Variants in PCDH7 observed in about 807,000 individuals in gnomAD.
PCDH7 encodes protocadherin 7.
PCDH7 carries 17 observed loss-of-function variants against 58.9 expected under a neutral mutation model. The observed-to-expected ratio is 0.29, with a 90% CI of 0.20 to 0.43. The LOEUF is 0.43. Ranked by LOEUF, PCDH7 falls within the 20% of genes least tolerant of loss-of-function variation. The probability of loss-of-function intolerance (pLI) is 1.00; values close to 1 mark genes in which losing one functional copy is unlikely to be tolerated. For missense variants in PCDH7, 1,274 were observed against 1,441.0 expected (o/e 0.88, Z 1.88); for synonymous variants, 664 against 616.4 (o/e 1.08, Z -1.14).
chr4:31,006,374 G>A (rs532375885), intron 3 of PCDH7, among the ~76,000 whole-genome samples: 18 of 152,272 alleles, frequency 1.2e-4, no homozygotes, highest in African/African-American at 3.6e-4. Context: ...AAAAATGAAG[G>A]ATGAGAATGA....
intron 3 of PCDH7, among the ~76,000 whole-genome samples, chr4:30,972,291 A>G (rs1749662502): frequency 6.6e-6 from 1 of 152,158 alleles, no homozygotes; most frequent in African/African-American, 2.4e-5. Context: ...TTTTTTTTAT[A>G]TGAGTCATTC....
chr4:31,124,325 A>G (rs1248780575), intron 3 of PCDH7, among the ~76,000 whole-genome samples: 4 of 152,198 alleles, frequency 2.6e-5, no homozygotes, highest in Non-Finnish European at 5.9e-5. Flanking sequence ...ACCCAATGAG[A>G]TAGACTCAGA....
chr4:30,872,063 A>G (rs559367974), intron 1 of PCDH7, among the ~76,000 whole-genome samples: 12 of 152,246 alleles, frequency 7.9e-5, no homozygotes, highest in African/African-American at 2.9e-4. Context: ...GGTCACATTT[A>G]TAGTTATCAG....
chr4:30,824,083 CTTTCTTTCTTTCTTTCTT>C (rs1728725670), intron 1 of PCDH7, among the ~76,000 whole-genome samples: 8 of 10,852 alleles, frequency 7.4e-4, no homozygotes, highest in African/African-American at 3.4e-3. Context: ...GGTTTCTTTT[CTTTCTTTCTTTCTTTCTT>C]TCTTTCTTTC....
At chr4:31,005,802 A>C in intron 3 of PCDH7, among the ~76,000 whole-genome samples, 1 of 152,286 alleles carries the variant, frequency 6.6e-6, no homozygotes, top group South Asian at 2.1e-4. Flanking sequence ...ATTAAAGTCA[A>C]TTTAAATTAA....
intron 1 of PCDH7, among the ~76,000 whole-genome samples, chr4:30,741,225 A>G (rs1717030220): frequency 6.6e-6 from 1 of 151,964 alleles, no homozygotes; most frequent in Non-Finnish European, 1.5e-5. Context: ...TTATGCATTT[A>G]TAGAGTTTTG....
At chr4:30,939,087 T>C (rs1350341047) in intron 2 of PCDH7, among the ~76,000 whole-genome samples, 8 of 152,138 alleles carry the variant, frequency 5.3e-5, no homozygotes, top group Admixed American at 1.3e-4. Flanking sequence ...ATACAAGGGA[T>C]ATTGTTTTTT....
chr4:31,033,656 A>C lies in PCDH7; in HGVS notation c.*7+83441A>C, dbSNP rs150413973. ...CTTGCATAGACAGTTTAATCATTAC[A>C]GGCATTACCCGACATCCCCCTTTTA... On this transcript the variant is annotated intron_variant, in intron 3 of 3. Transcript: ENST00000509759. Among the ~76,000 whole-genome samples the C allele has an allele frequency of 4.8e-3, 724 of 152,292 alleles. 4 individuals carry two copies. Among genetic ancestry groups the C allele is most frequent in the African/African-American group, 0.016 (681 of 41,552 alleles).
At chr4:31,116,310 G>C (rs933278315) in intron 3 of PCDH7, among the ~76,000 whole-genome samples, 3 of 152,140 alleles carry the variant, frequency 2.0e-5, no homozygotes, top group African/African-American at 7.2e-5. Context: ...TTATAAAAAG[G>C]GTCCATAAAT....
At chr4:30,741,922 C>T (rs544822129) in intron 1 of PCDH7, among the ~76,000 whole-genome samples, 10 of 152,254 alleles carry the variant, frequency 6.6e-5, no homozygotes, top group Non-Finnish European at 1.2e-4. Context: ...GAGGATGCAG[C>T]GTGTTTTGCA....
intron 1 of PCDH7, among the ~76,000 whole-genome samples, chr4:30,898,707 G>C (rs1056012644): frequency 2.0e-5 from 3 of 152,066 alleles, no homozygotes; most frequent in Non-Finnish European, 4.4e-5. Context: ...TGTCCTGCGT[G>C]AGCCTCCCGA....
chr4:30,817,402 T>A (rs1379267032), intron 1 of PCDH7, among the ~76,000 whole-genome samples: 2 of 152,232 alleles, frequency 1.3e-5, no homozygotes, highest in East Asian at 3.8e-4. Flanking sequence ...GATTTTAGTT[T>A]AATTATTAGT....
downstream of PCDH7, among the ~76,000 whole-genome samples, chr4:30,735,415 G>A (rs889756399): frequency 1.3e-5 from 2 of 152,126 alleles, no homozygotes; most frequent in African/African-American, 2.4e-5. Flanking sequence ...TGAGAGCAAC[G>A]GGCAGTGATT....
intron 1 of PCDH7, among the ~76,000 whole-genome samples, chr4:30,840,234 T>C (rs1378318679): frequency 1.3e-5 from 2 of 152,268 alleles, no homozygotes; most frequent in Admixed American, 6.5e-5. Context: ...ACAAAACTGC[T>C]GTCTTAGCAT....
In PCDH7 at chr4:30,746,861, G is replaced by A. The variant is rs182722482; in HGVS notation, c.70+22265G>A. ...ATTCCTCTCCTTTCTTTCTGTTTGT[G>A]TAGAATCTAGAAAACCATAAATAGG... On this transcript the variant is annotated intron_variant, in intron 1 of 3. Coordinates refer to the PCDH7 transcript ENST00000509759. Among the ~76,000 whole-genome samples, 5 of 152,014 alleles carry A rather than the reference G, an allele frequency of 3.3e-5. No individual in the cohort carries two copies. In the East Asian group the frequency reaches 9.7e-4, roughly 30 times the overall value.
intron 3 of PCDH7, among the ~76,000 whole-genome samples, chr4:31,107,212 A>G (rs754068164): frequency 6.6e-6 from 1 of 152,218 alleles, no homozygotes; most frequent in East Asian, 1.9e-4. Flanking sequence ...GTACTATGAT[A>G]TACAAGTAAT....
At chr4:31,004,382 G>C (rs907089559) in intron 3 of PCDH7, among the ~76,000 whole-genome samples, 3 of 152,148 alleles carry the variant, frequency 2.0e-5, no homozygotes, top group African/African-American at 4.8e-5. Context: ...GGAAGTACAG[G>C]CAGTACTGAA....
At chr4:30,754,248 C>T (rs1027344441) in intron 1 of PCDH7, among the ~76,000 whole-genome samples, 5 of 151,796 alleles carry the variant, frequency 3.3e-5, no homozygotes, top group Admixed American at 1.3e-4. Context: ...CACCATGACT[C>T]ATTAGAAAAT....
chr4:30,963,008 G>C (rs576319559), intron 3 of PCDH7, among the ~76,000 whole-genome samples: 12 of 152,230 alleles, frequency 7.9e-5, no homozygotes, highest in Non-Finnish European at 1.3e-4. Flanking sequence ...TTGCCAATCA[G>C]AGGAAGTGTG....
Sources: allele counts gnomAD v4.1 joint callset (sites outside exome capture counted in the v4.1 genomes callset), GRCh38; gene constraint gnomAD v4.1.1; transcripts MANE v1.5; gene names NCBI Gene and HGNC (gene_info 2026-07-23, HGNC 2026-07-21).